MACROD2: variants seen among roughly 807,000 people sequenced by gnomAD.
MACROD2 encodes the protein ADP-ribose glycohydrolase MACROD2.
In MACROD2, 36 loss-of-function variants were observed where a neutral mutation model predicts 70.4. The observed-to-expected ratio is 0.51, with a 90% CI of 0.39 to 0.68. MACROD2 has a LOEUF of 0.68. Among genes scored for constraint, MACROD2 ranks in the 30% least tolerant of loss-of-function variants. The pLI is 0.00. For missense variants in MACROD2, 496 were observed against 538.4 expected, an observed-to-expected ratio of 0.92 and a Z score of 0.78; for synonymous variants, 172 against 178.8, an observed-to-expected ratio of 0.96 and a Z score of 0.30.
chr20:14,863,000 T>C (rs1178358947), intron 5 of MACROD2, among the ~76,000 whole-genome samples: 1 of 151,852 alleles, frequency 6.6e-6, no homozygotes, highest in Non-Finnish European at 1.5e-5. Flanking sequence ...ACTACACATT[T>C]AGGTTCACCT....
At chr20:14,165,630 T>C (rs1345588543) in intron 3 of MACROD2, among the ~76,000 whole-genome samples, 4 of 152,230 alleles carry the variant, frequency 2.6e-5, no homozygotes, top group Non-Finnish European at 5.9e-5. Context: ...TGGAGATACT[T>C]ATACTTTTTC....
At chr20:14,355,568 TG>T (rs1301224008) in intron 3 of MACROD2, among the ~76,000 whole-genome samples, 13 of 144,954 alleles carry the variant, frequency 9.0e-5, no homozygotes, top group Non-Finnish European at 1.7e-4. Flanking sequence ...ACCATTTATG[TG>T]GTTTTTTTGT....
At chr20:14,358,768 C>T (rs2122713500) in intron 3 of MACROD2, among the ~76,000 whole-genome samples, 1 of 152,314 alleles carries the variant, frequency 6.6e-6, no homozygotes, top group Admixed American at 6.5e-5. Flanking sequence ...CATTGTCCTG[C>T]TTTTACAGAA....
Position 15,093,289 on chromosome 20 carries a change from T to C in MACROD2, c.419-136651T>C, listed in dbSNP as rs141869150. 1.1e-4 allele frequency among the ~76,000 whole-genome samples: 16 copies of C among 152,316 alleles called. No homozygotes were observed. The East Asian group carries it at 2.9e-3, about 28-fold the overall frequency. ...AGGAGTTTAGGGAATCCTAGAGGCT[T>C]CCACGCAGAATGGATTCCATGACCA... On this transcript the variant is annotated intron_variant, in intron 5 of 17. Transcript: ENST00000684519.
intron 4 of MACROD2, among the ~76,000 whole-genome samples, chr20:14,518,407 G>C (rs906475825): frequency 6.6e-6 from 1 of 151,926 alleles, no homozygotes; most frequent in Admixed American, 6.6e-5. Context: ...AACTTCAAAG[G>C]CAATATTGAA....
At chr20:14,538,781 C>T (rs1185598794) in intron 4 of MACROD2, among the ~76,000 whole-genome samples, 4 of 152,178 alleles carry the variant, frequency 2.6e-5, no homozygotes, top group South Asian at 2.1e-4. Flanking sequence ...TGACCGCCCC[C>T]CTCTCTTACT....
At chr20:15,236,619 C>T (rs1212190211) in intron 6 of MACROD2, among the ~76,000 whole-genome samples, 13 of 152,216 alleles carry the variant, frequency 8.5e-5, no homozygotes, top group Admixed American at 8.5e-4. Context: ...CAGAAGGAAA[C>T]TGCCTTCCCT....
At chr20:14,355,461 G>A (rs1426214977) in intron 3 of MACROD2, among the ~76,000 whole-genome samples, 1 of 152,152 alleles carries the variant, frequency 6.6e-6, no homozygotes, top group Non-Finnish European at 1.5e-5. Context: ...AAGACGTTCA[G>A]TGTAGAATTA....
At position 15,338,162 on chromosome 20, in the gene MACROD2, G is replaced by T. The variant is rs529253093; in HGVS notation, c.541-93243G>T. On this transcript the variant is annotated intron_variant, in intron 6 of 17. Transcript: ENST00000684519. Reference sequence around the variant, plus strand: ...TCTGCCTCTCTCTTCTCTTCTCCTCGCTAAACACAGACACAAACCCCAATT... The same window carrying T: ...TCTGCCTCTCTCTTCTCTTCTCCTCTCTAAACACAGACACAAACCCCAATT... Among the ~76,000 whole-genome samples the T allele has an allele frequency of 1.3e-4, 19 of 151,370 alleles. 1 individual carries two copies. The highest frequency in any genetic ancestry group is 4.6e-4 in the African/African-American group (19 of 40,888).
intron 5 of MACROD2, among the ~76,000 whole-genome samples, chr20:15,157,772 G>A (rs765315426): frequency 1.1e-4 from 17 of 152,186 alleles, no homozygotes; most frequent in East Asian, 7.8e-4. Context: ...GAGAGGTCAA[G>A]GTGTTTATTA....
intron 5 of MACROD2, among the ~76,000 whole-genome samples, chr20:14,793,077 C>T (rs780117440): frequency 2.0e-5 from 3 of 151,982 alleles, no homozygotes; most frequent in Non-Finnish European, 4.4e-5. Context: ...ACAGCCTGGT[C>T]TAATGGAGAT....
intron 5 of MACROD2, among the ~76,000 whole-genome samples, chr20:15,169,600 A>G (rs1568614252): frequency 6.6e-6 from 1 of 152,338 alleles, no homozygotes; most frequent in Middle Eastern, 3.4e-3. Flanking sequence ...TTAAGCAAGG[A>G]AATTGTCTAG....
intron 6 of MACROD2, among the ~76,000 whole-genome samples, chr20:15,250,824 C>T (rs142698853): frequency 6.0e-4 from 91 of 152,288 alleles, no homozygotes; most frequent in Middle Eastern, 3.4e-3. Context: ...TTCATGAGCT[C>T]CATGAGGGTA....
intron 3 of MACROD2, among the ~76,000 whole-genome samples, chr20:14,261,566 C>T (rs2082101158): frequency 6.6e-6 from 1 of 152,030 alleles, no homozygotes. Flanking sequence ...TGTGTGTAAT[C>T]TGAAAAAACA....
At chr20:14,176,264 A>C (rs1198827930) in intron 3 of MACROD2, among the ~76,000 whole-genome samples, 1 of 152,228 alleles carries the variant, frequency 6.6e-6, no homozygotes, top group Non-Finnish European at 1.5e-5. Context: ...GAGCTTCTGC[A>C]AGTCTTCAAA....
At chr20:15,563,886 T>G (rs1434667310) in intron 8 of MACROD2, among the ~76,000 whole-genome samples, 1 of 152,220 alleles carries the variant, frequency 6.6e-6, no homozygotes, top group Non-Finnish European at 1.5e-5. Flanking sequence ...TGCATATGAT[T>G]CCATTTAATC....
chr20:14,359,755 A>G (rs1229634892), intron 3 of MACROD2, among the ~76,000 whole-genome samples: 1 of 152,126 alleles, frequency 6.6e-6, no homozygotes, highest in Non-Finnish European at 1.5e-5. Flanking sequence ...TCAGCTATTC[A>G]GGGTGCTGAG....
intron 8 of MACROD2, among the ~76,000 whole-genome samples, chr20:15,538,346 C>T (rs1341147043): frequency 6.6e-6 from 1 of 151,980 alleles, no homozygotes; most frequent in Non-Finnish European, 1.5e-5. Flanking sequence ...TCAATAGGAC[C>T]CACTAAACAA....
intron 5 of MACROD2, among the ~76,000 whole-genome samples, chr20:15,024,188 C>T (rs901680284): frequency 2.0e-5 from 3 of 152,066 alleles, no homozygotes; most frequent in East Asian, 1.9e-4. Context: ...AAGTTTAGTA[C>T]CAAAAGAGAT....
Sources: allele counts gnomAD v4.1 joint callset (sites outside exome capture counted in the v4.1 genomes callset), GRCh38; gene constraint gnomAD v4.1.1; transcripts MANE v1.5; gene names NCBI Gene and HGNC (gene_info 2026-07-23, HGNC 2026-07-21).